The following ZP2 variants were observed in gnomAD, a reference collection of about 807,000 sequenced individuals.
ZP2 encodes the protein zona pellucida sperm-binding protein 2.
ZP2 carries 51 observed loss-of-function variants against 84.0 expected under a neutral mutation model. That is an observed-to-expected ratio of 0.61 (90% CI 0.49 to 0.77). ZP2 has a LOEUF of 0.77. ZP2 is among the 30% of genes least tolerant of loss of function. ZP2 has a pLI of 0.00. For synonymous variants in ZP2, 375 were observed against 330.9 expected (o/e 1.13, Z -1.45); for missense variants, 909 against 911.9 (o/e 1.00, Z 0.04).
At chr16:21,201,087 T>C (rs2093222683) in intron 14 of ZP2, among the ~76,000 whole-genome samples, 1 of 151,936 alleles carries the variant, frequency 6.6e-6, no homozygotes, top group African/African-American at 2.4e-5. Context: ...TAATCTCAGC[T>C]ACCCAGGAGG....
chr16:21,205,686 G>A (rs1348290849), intron 6 of ZP2, 45 bp downstream of exon 6: 1 of 1,611,816 alleles, frequency 6.2e-7, no homozygotes, highest in Non-Finnish European at 8.5e-7. Flanking sequence ...CTTTAACATA[G>A]AATTAAAGGT....
intron 4 of ZP2, among the ~76,000 whole-genome samples, chr16:21,208,177 C>A (rs2093258942): frequency 6.6e-6 from 1 of 152,184 alleles, no homozygotes; most frequent in African/African-American, 2.4e-5. Context: ...TGATTGCAGC[C>A]ACTACTTTCC....
rs1192596839 is a variant in ZP2, at chr16:21,202,169, C to CA, written c.1221dup (p.Glu408Ter). On this transcript the variant is annotated frameshift_variant, in exon 11 of 19. Transcript: ENST00000574091. LOFTEE classifies it high-confidence loss of function. ...CGTACCAGCCCCTGAGACTGAGCCT[C>CA]AAAGACAGGCTGGCAGGATGAGTTT... 6.2e-7 allele frequency: 1 copy of CA among 1,602,252 alleles called. No homozygotes were observed. The highest frequency in any genetic ancestry group is 8.5e-7 in the Non-Finnish European group (1 of 1,177,392).
intron 6 of ZP2, 69 bp from the exon 7 acceptor site, chr16:21,205,653 T>C: frequency 6.2e-7 from 1 of 1,612,098 alleles, no homozygotes; most frequent in South Asian, 1.1e-5. Context: ...TCTAACAATT[T>C]ATCAGGTTAA....
upstream of ZP2, chr16:21,211,756 A>G (rs942392732): frequency 6.8e-7 from 1 of 1,466,666 alleles, no homozygotes; most frequent in African/African-American, 1.4e-5. Context: ...CCTGTGGGCC[A>G]GGCATGAAAT....
In ZP2 at chr16:21,205,668, A is replaced by C; in HGVS notation, c.528+63T>G. On this transcript the variant is annotated intron_variant, in intron 6 of 18. Coordinates refer to ENST00000574091, the MANE Select transcript of ZP2 (RefSeq NM_001376232.1). ...TCTAACAATTTATCAGGTTAAAGGT[A>C]ATATCACCTTTAACATAGAATTAAA... The C allele has an allele frequency of 2.5e-6, 4 of 1,606,288 alleles. 1 individual carries two copies. The South Asian group carries it at 4.4e-5, about 18-fold the overall frequency.
At position 21,206,858 on chromosome 16, in the gene ZP2, A is replaced by G; in HGVS notation, c.463T>C (p.Cys155Arg). Residue 155 changes from cysteine (C) to arginine (R), a missense_variant, in exon 5 of 19, where the codon TGC becomes CGC. Coordinates refer to ENST00000574091, the MANE Select transcript of ZP2 (RefSeq NM_001376232.1). ...CTCACAGACATGAAATCCTTCTGGC[A>G]GATTGTAGATGCTGAAAGCCCCTGG... ...ETQGLSASTI[C>R]QKDFMSFSLP... The G allele has an allele frequency of 6.2e-7, 1 of 1,614,130 alleles. No individual in the cohort carries two copies.
At chr16:21,205,386 C>T (rs1283625623) in intron 7 of ZP2, 34 bp downstream of exon 7, 2 of 1,608,872 alleles carry the variant, frequency 1.2e-6, no homozygotes, top group Middle Eastern at 2.0e-4. Flanking sequence ...CTGGCCTGTG[C>T]TTTGGTGGTA....
rs190164659 is a variant in ZP2, at chr16:21,197,768, C to T, written c.2093G>A (p.Arg698Gln). ...TTTGCAACATTGAATAAACTTACCT[C>T]GTGAGCCAACCTCCTCCCCTGTTTC... ...RSETGEEVGS[R>Q]GAMDTKGHKT... The change falls in exon 18 of 19, where the codon CGA (arginine) becomes CAA (glutamine). Residue 698 changes from arginine (R) to glutamine (Q), a missense_variant and splice_region_variant. Transcript: ENST00000574091. 7.2e-5 allele frequency: 117 copies of T among 1,614,172 alleles called. No homozygotes were observed. The highest frequency in any genetic ancestry group is 9.2e-5 in the Non-Finnish European group (109 of 1,180,006).
upstream of ZP2, chr16:21,211,651 G>T: frequency 6.3e-7 from 1 of 1,599,672 alleles, no homozygotes; most frequent in Non-Finnish European, 8.5e-7. Flanking sequence ...GGGGGCACCT[G>T]AATCTTGTCC....
rs775683402 is a variant in ZP2, at chr16:21,203,215, C to T, written c.1009G>A (p.Ala337Thr). Reference sequence around the variant, plus strand: ...AGGAGAAAGGTCAGCTTGAGTGAAGCTAAGTAGAACTGATGGAGTAGGCAT... The same window carrying T: ...AGGAGAAAGGTCAGCTTGAGTGAAGTTAAGTAGAACTGATGGAGTAGGCAT... Reference protein sequence around the residue: ...EKCLLHQFYLASLKLTFLLRP... With the variant: ...EKCLLHQFYLTSLKLTFLLRP... Residue 337 changes from alanine (A) to threonine (T), a missense_variant, in exon 10 of 19, where the codon GCT (alanine) becomes ACT (threonine). Transcript: ENST00000574091. 4 of 1,613,744 alleles carry T rather than the reference C, an allele frequency of 2.5e-6. No homozygotes were observed. Among genetic ancestry groups the T allele is most frequent in the Middle Eastern group, 1.7e-4 (1 of 6,058 alleles).
rs969895449 is a variant in ZP2 at position 21,205,361 on chromosome 16, T to C, written c.693+59A>G. The C allele has an allele frequency of 1.1e-5, 17 of 1,580,938 alleles. No homozygotes were observed. In the Admixed American group the frequency reaches 1.4e-4, roughly 13 times the overall value. ...TGTGAAGACATGGTTGAGATCATGC[T>C]TCAATTTAGGAATACTGGCCTGTGC... On this transcript the variant is annotated intron_variant, in intron 7 of 18. Transcript: ENST00000574091.
At chr16:21,214,064 T>C (rs1242358300), upstream of ZP2, among the ~76,000 whole-genome samples, 1 of 151,716 alleles carries the variant, frequency 6.6e-6, no homozygotes, top group Non-Finnish European at 1.5e-5. Context: ...GAGCGGGAAG[T>C]TTTTGCCTTG....
In ZP2 at chr16:21,209,694, A is replaced by T. The variant is rs1432531470; in HGVS notation, c.267T>A (p.Thr89=). 2 of 1,614,052 alleles carry T rather than the reference A, an allele frequency of 1.2e-6. No individual in the cohort carries two copies. Among genetic ancestry groups the T allele is most frequent in the East Asian group, 4.5e-5 (2 of 44,902 alleles). ...TGAGCTTTTCTGGGTCCAGGATGTA[A>T]GTGCAGTTCGGCATGTCGAGACCAA... ...DPLGLDMPNC[T]YILDPEKLTL... is the part of the protein sequence containing the mutation. Residue 89 remains threonine (T), a synonymous_variant, in exon 4 of 19, where the codon ACT becomes ACA. Coordinates refer to ENST00000574091, the MANE Select transcript of ZP2 (RefSeq NM_001376232.1).
intron 2 of ZP2, among the ~76,000 whole-genome samples, 199 bp from the exon 3 acceptor site, chr16:21,210,391 C>A (rs1480255792): frequency 6.6e-6 from 1 of 152,000 alleles, no homozygotes; most frequent in Non-Finnish European, 1.5e-5. Context: ...ATCAGGTACC[C>A]AGGGCTTTTG....
Position 21,206,819 on chromosome 16 carries a change from G to T in ZP2, c.483+19C>A, listed in dbSNP as rs1396481218. 6.2e-7 allele frequency: 1 copy of T among 1,614,000 alleles called. No homozygotes were observed. On this transcript the variant is annotated intron_variant, in intron 5 of 18. Transcript: ENST00000574091. ...CTGCAGTAGCCATATACCCCGAGCA[G>T]TCAGCCCGTTTCACTCACAGACATG...
chr16:21,206,440 G>A (rs781722679), intron 5 of ZP2, among the ~76,000 whole-genome samples: 8 of 152,176 alleles, frequency 5.3e-5, no homozygotes, highest in Non-Finnish European at 1.0e-4. Flanking sequence ...CATTAGCCAT[G>A]TTAGACTCTA....
At position 21,201,486 on chromosome 16, in the gene ZP2, A is replaced by G. The variant is rs2093224967; in HGVS notation, c.1577T>C (p.Met526Thr). Reference protein sequence around the residue: ...LVRFLRQPIYMEVRVLNRDDP... With the variant: ...LVRFLRQPIYTEVRVLNRDDP... Reference sequence around the variant, plus strand: ...ATCCCTGTTTAGGACTCTCACTTCCATGTAAATTGGTTGGCGGAGGAATCT... The same window carrying G: ...ATCCCTGTTTAGGACTCTCACTTCCGTGTAAATTGGTTGGCGGAGGAATCT... Residue 526 changes from methionine to threonine, a missense_variant, in exon 14 of 19, where the codon ATG becomes ACG. Met to Thr is a moderately conservative substitution (Grantham distance 81). Transcript: ENST00000574091. The G allele has an allele frequency of 1.2e-6, 2 of 1,613,722 alleles. No individual in the cohort carries two copies. The highest frequency in any genetic ancestry group is 1.3e-5 in the African/African-American group (1 of 74,922).
upstream of ZP2, among the ~76,000 whole-genome samples, chr16:21,212,039 T>C (rs1447566660): frequency 6.6e-6 from 1 of 151,994 alleles, no homozygotes; most frequent in Non-Finnish European, 1.5e-5. Flanking sequence ...GCAATTCTCC[T>C]GCCTCAGCCT....
Sources: gnomAD v4.1 joint callset for allele counts (sites outside exome capture counted in the v4.1 genomes callset) on GRCh38, gnomAD v4.1.1 for gene constraint, MANE v1.5 for transcripts, NCBI Gene and HGNC (gene_info 2026-07-23, HGNC 2026-07-21) for gene names.